CADPS2: variants seen among roughly 807,000 people sequenced by gnomAD.
CADPS2 encodes the protein calcium dependent secretion activator 2.
In CADPS2, 93 loss-of-function variants were observed where a neutral mutation model predicts 172.5. The observed-to-expected ratio is 0.54, with a 90% CI of 0.46 to 0.64. The LOEUF is 0.64. Among genes scored for constraint, CADPS2 ranks in the 30% least tolerant of loss-of-function variants. CADPS2 has a pLI of 0.00. For missense variants in CADPS2, 1,420 were observed against 1,565.9 expected (o/e 0.91, Z 1.57); for synonymous variants, 546 against 555.2 (o/e 0.98, Z 0.23).
intron 2 of CADPS2, among the ~76,000 whole-genome samples, chr7:122,701,287 G>A (rs1321779487): frequency 1.3e-5 from 2 of 152,296 alleles, no homozygotes; most frequent in East Asian, 3.9e-4. Flanking sequence ...CATGTCCTTT[G>A]TAGGGACATG....
At chr7:122,649,252 T>C (rs2078884314) in intron 3 of CADPS2, among the ~76,000 whole-genome samples, 1 of 152,140 alleles carries the variant, frequency 6.6e-6, no homozygotes, top group African/African-American at 2.4e-5. Context: ...TTCTCCCTCA[T>C]GGTTAATTTT....
Position 122,387,138 on chromosome 7 carries a change from GC to G in CADPS2, c.3199del (p.Ala1067GlnfsTer20). 6.3e-7 allele frequency: 1 copy of G among 1,579,760 alleles called. No individual in the cohort carries two copies. Among genetic ancestry groups the G allele is most frequent in the Non-Finnish European group, 8.6e-7 (1 of 1,160,614 alleles). Reference protein sequence around the residue: ...RTAFELKLQKASKTTDLRIPA... With the variant: ...RTAFELKLQKXSKTTDLRIPA... ...AATGCGCAAGTCAGTTGTTTTGCTT[GC>G]CTTTTGTAGCTTGAGTTCAAATGCA... On this transcript the variant is annotated frameshift_variant, in exon 24 of 30. Coordinates refer to ENST00000449022, the MANE Select transcript of CADPS2 (RefSeq NM_017954.11). LOFTEE classifies it high-confidence loss of function.
At chr7:122,876,682 A>G (rs1476098761) in intron 1 of CADPS2, among the ~76,000 whole-genome samples, 1 of 152,176 alleles carries the variant, frequency 6.6e-6, no homozygotes, top group Non-Finnish European at 1.5e-5. Flanking sequence ...ATATACATGT[A>G]TATTTTTAGG....
chr7:122,495,288 A>C (rs1426966328), intron 9 of CADPS2, among the ~76,000 whole-genome samples: 1 of 152,160 alleles, frequency 6.6e-6, no homozygotes, highest in Non-Finnish European at 1.5e-5. Context: ...ATACATACTC[A>C]CCCAAGACAA....
chr7:122,537,408 T>C (rs2062418142), intron 8 of CADPS2, among the ~76,000 whole-genome samples: 1 of 151,816 alleles, frequency 6.6e-6, no homozygotes, highest in African/African-American at 2.4e-5. Context: ...GAAGATTCTT[T>C]CTTATGCTAA....
At chr7:122,826,628 A>G (rs1292457037) in intron 1 of CADPS2, among the ~76,000 whole-genome samples, 3 of 146,558 alleles carry the variant, frequency 2.0e-5, no homozygotes, top group Non-Finnish European at 4.4e-5. Flanking sequence ...ATTTATGAAG[A>G]AAAAAAAATA....
At chr7:122,556,723 G>C (rs2065074521) in intron 7 of CADPS2, among the ~76,000 whole-genome samples, 1 of 152,034 alleles carries the variant, frequency 6.6e-6, no homozygotes, top group Non-Finnish European at 1.5e-5. Flanking sequence ...TTATTGCTCA[G>C]CTCTGTTCAA....
intron 16 of CADPS2, among the ~76,000 whole-genome samples, chr7:122,438,978 G>A (rs1024101419): frequency 1.3e-5 from 2 of 151,870 alleles, no homozygotes; most frequent in Non-Finnish European, 2.9e-5. Context: ...TTTAATGATT[G>A]TGATTTGCTG....
At chr7:122,527,368 T>A (rs2061320523) in intron 8 of CADPS2, among the ~76,000 whole-genome samples, 1 of 151,384 alleles carries the variant, frequency 6.6e-6, no homozygotes, top group Admixed American at 6.6e-5. Context: ...ATATTATATG[T>A]CTAAAGATCT....
chr7:122,679,262 T>C (rs1024973206), intron 2 of CADPS2, among the ~76,000 whole-genome samples: 1 of 6,654 alleles, frequency 1.5e-4, no homozygotes, highest in Non-Finnish European at 1.2e-3. Context: ...AAGAATGCAT[T>C]CCTGGGGGGG....
chr7:122,681,033 A>G, intron 2 of CADPS2, among the ~76,000 whole-genome samples: 1 of 150,730 alleles, frequency 6.6e-6, no homozygotes, highest in South Asian at 2.1e-4. Context: ...GCAAGAACAA[A>G]AAACCAAACA....
At chr7:122,784,101 AATAAG>A (rs1347268237) in intron 1 of CADPS2, among the ~76,000 whole-genome samples, 2 of 152,198 alleles carry the variant, frequency 1.3e-5, no homozygotes, top group Non-Finnish European at 2.9e-5. Flanking sequence ...ATTCTTTGAA[AATAAG>A]ATTATAACTT....
At chr7:122,748,677 C>T (rs2092822199) in intron 1 of CADPS2, among the ~76,000 whole-genome samples, 1 of 152,082 alleles carries the variant, frequency 6.6e-6, no homozygotes, top group African/African-American at 2.4e-5. Context: ...AAGTGGCTAT[C>T]TGCAAAAGAA....
chr7:122,318,962 T>C lies in CADPS2; in HGVS notation c.*1203A>G, dbSNP rs1268542581. 1 of 152,196 alleles carries C rather than the reference T, an allele frequency of 6.6e-6. No homozygotes were observed. The allele number at this position is 152,196 out of a possible 1,614,324, so 9.4% of individuals were successfully genotyped here. A position where few individuals can be genotyped will look rare whatever the true frequency, so the allele number is the denominator to read the frequency against. On this transcript the variant is annotated 3_prime_UTR_variant, in exon 30 of 30. Coordinates refer to ENST00000449022, the MANE Select transcript of CADPS2 (RefSeq NM_017954.11). ...AATGCAGTAGCACAATCTGCCAATA[T>C]GTTTTGGGAAATATCACAAAAATAA...
chr7:122,808,191 G>GA (rs968176667), intron 1 of CADPS2, among the ~76,000 whole-genome samples: 2 of 151,932 alleles, frequency 1.3e-5, no homozygotes, highest in East Asian at 1.9e-4. Flanking sequence ...GTCTTCTGTA[G>GA]AAAAAAAAGC....
At chr7:122,574,108 T>C (rs1381069097) in intron 7 of CADPS2, among the ~76,000 whole-genome samples, 1 of 152,000 alleles carries the variant, frequency 6.6e-6, no homozygotes, top group Admixed American at 6.6e-5. Flanking sequence ...AGTAAATATA[T>C]TGATGTCGTT....
intron 16 of CADPS2, among the ~76,000 whole-genome samples, chr7:122,439,006 T>C (rs181082734): frequency 4.6e-5 from 7 of 152,206 alleles, no homozygotes; most frequent in Non-Finnish European, 7.4e-5. Context: ...CACGGCAGTG[T>C]ATTCAAAGAG....
At position 122,483,026 on chromosome 7, in the gene CADPS2, G is replaced by C. The variant is rs556682805; in HGVS notation, c.1853-2166C>G. On this transcript the variant is annotated intron_variant, in intron 11 of 29. Coordinates refer to ENST00000449022, the MANE Select transcript of CADPS2 (RefSeq NM_017954.11). The stretch of plus-strand genomic sequence containing the variant: ...CTCATAATTCACAGGTTATCAGTTA[G>C]AGTATTAAGAAAGATGTTGGTCCAG... Among the ~76,000 whole-genome samples the C allele has an allele frequency of 1.1e-3, 171 of 152,336 alleles. 1 individual carries two copies. The highest frequency in any genetic ancestry group is 1.1e-3 in the Non-Finnish European group (78 of 68,026).
chr7:122,375,006 T>C (rs1202957485), intron 25 of CADPS2, among the ~76,000 whole-genome samples: 1 of 152,030 alleles, frequency 6.6e-6, no homozygotes, highest in Non-Finnish European at 1.5e-5. Context: ...AGGCAAAAAA[T>C]GTGTACACTG....
Sources: allele counts gnomAD v4.1 joint callset (sites outside exome capture counted in the v4.1 genomes callset), GRCh38; gene constraint gnomAD v4.1.1; transcripts MANE v1.5; gene names NCBI Gene and HGNC (gene_info 2026-07-23, HGNC 2026-07-21).